The following TRHDE variants were observed in gnomAD, a reference collection of about 807,000 sequenced individuals.
TRHDE encodes thyrotropin releasing hormone degrading enzyme.
In TRHDE, 72 loss-of-function variants were observed where a neutral mutation model predicts 125.7. The observed-to-expected ratio is 0.57, with a 90% CI of 0.47 to 0.70. The LOEUF is 0.70. TRHDE is among the 30% of genes least tolerant of loss of function. The pLI is 0.00. For missense variants in TRHDE, 1,110 were observed against 1,327.1 expected (o/e 0.84, Z 2.54); for synonymous variants, 509 against 509.1 (o/e 1.00, Z 0.00).
At chr12:72,576,082 T>G (rs1870979934) in intron 12 of TRHDE, among the ~76,000 whole-genome samples, 3 of 152,154 alleles carry the variant, frequency 2.0e-5, no homozygotes, top group Admixed American at 2.0e-4. Context: ...ATTTATAATA[T>G]TCAAATTAGT....
chr12:72,604,854 C>T (rs933901847), intron 12 of TRHDE, among the ~76,000 whole-genome samples: 1 of 151,966 alleles, frequency 6.6e-6, no homozygotes, highest in African/African-American at 2.4e-5. Context: ...ATGAGTGTCA[C>T]TATTAGAACA....
At chr12:72,497,668 A>T (rs1234488968) in intron 5 of TRHDE, among the ~76,000 whole-genome samples, 1 of 152,156 alleles carries the variant, frequency 6.6e-6, no homozygotes. Context: ...AATATCAGAT[A>T]GTTTTCATCT....
At chr12:72,103,278 A>T (rs1191214334) in intron 1 of TRHDE, among the ~76,000 whole-genome samples, 2 of 152,214 alleles carry the variant, frequency 1.3e-5, no homozygotes, top group African/African-American at 2.4e-5. Context: ...TAGATCCGAT[A>T]TTTAGGACAT....
At position 72,415,046 on chromosome 12, in the gene TRHDE, G is replaced by A. The variant is rs893363406; in HGVS notation, c.1315+36925G>A. On this transcript the variant is annotated intron_variant, in intron 3 of 18. Coordinates refer to ENST00000261180, the MANE Select transcript of TRHDE (RefSeq NM_013381.3). ...TCTTTGACAGGGGCTCCTACTGTTC[G>A]TTGGTTCATGAATCCGTATTTTAGT... Among the ~76,000 whole-genome samples, 12 of 152,166 alleles carry A rather than the reference G, an allele frequency of 7.9e-5. 1 individual carries two copies. The highest frequency in any genetic ancestry group is 2.0e-4 in the Admixed American group (3 of 15,270).
intron 7 of TRHDE, among the ~76,000 whole-genome samples, chr12:72,548,698 T>C (rs758410139): frequency 1.1e-4 from 16 of 151,876 alleles, no homozygotes; most frequent in South Asian, 6.2e-4. Context: ...AAATTAAAGC[T>C]GTAATTATGA....
At chr12:72,171,161 T>G (rs1876864676) in intron 2 of TRHDE, among the ~76,000 whole-genome samples, 1 of 152,034 alleles carries the variant, frequency 6.6e-6, no homozygotes, top group African/African-American at 2.4e-5. Context: ...TTTCTCACCT[T>G]CACACCACCA....
At chr12:72,624,956 G>T (rs1420134978) in intron 15 of TRHDE, among the ~76,000 whole-genome samples, 1 of 151,548 alleles carries the variant, frequency 6.6e-6, no homozygotes, top group Non-Finnish European at 1.5e-5. Context: ...ACACAGAAAA[G>T]ATGATGGCCT....
At chr12:72,563,859 G>T (rs1870304553) in intron 9 of TRHDE, among the ~76,000 whole-genome samples, 1 of 152,092 alleles carries the variant, frequency 6.6e-6, no homozygotes, top group Non-Finnish European at 1.5e-5. Context: ...ATTGATAAAC[G>T]CAATGAGATG....
intron 2 of TRHDE, among the ~76,000 whole-genome samples, chr12:72,229,901 TG>T (rs1382312112): frequency 2.0e-5 from 3 of 152,164 alleles, no homozygotes; most frequent in Non-Finnish European, 4.4e-5. Context: ...GCTAATACCA[TG>T]TTACAGGTCA....
intron 15 of TRHDE, among the ~76,000 whole-genome samples, chr12:72,637,687 G>T (rs987347233): frequency 6.6e-6 from 1 of 152,164 alleles, no homozygotes; most frequent in Non-Finnish European, 1.5e-5. Flanking sequence ...GCGTCCCAGA[G>T]ATTCTGGTAT....
intron 5 of TRHDE, among the ~76,000 whole-genome samples, chr12:72,477,797 G>C (rs375311422): frequency 6.6e-6 from 1 of 152,222 alleles, no homozygotes; most frequent in Non-Finnish European, 1.5e-5. Flanking sequence ...ATCTGGTGCC[G>C]ATGCAGGTCA....
In TRHDE at chr12:72,181,236, T is replaced by C. The variant is rs146567078; in HGVS notation, n.279+75484T>C. Among the ~76,000 whole-genome samples the C allele has an allele frequency of 6.8e-4, 103 of 152,282 alleles. 1 individual carries two copies. In the East Asian group the frequency reaches 0.016, roughly 24 times the overall value. On this transcript the variant is annotated intron_variant and non_coding_transcript_variant, in intron 2 of 4. Coordinates refer to the TRHDE transcript ENST00000548156. ...TAGGAAGGGGTGAAGGAAAGAAATG[T>C]TGGGTCATCCTTGACTTTTAAAATG...
In TRHDE at chr12:72,278,974, T is replaced by C. The variant is rs1486364225; in HGVS notation, c.914+5417T>C. ...GCAATCCCGTTTGTCTATTTTTTGCTTTTGTTGCCTGTGCAGTTGCCTTTG... is the reference window on the plus strand; with the variant it reads ...GCAATCCCGTTTGTCTATTTTTTGCCTTTGTTGCCTGTGCAGTTGCCTTTG... On this transcript the variant is annotated intron_variant, in intron 1 of 18. Transcript: ENST00000261180. Among the ~76,000 whole-genome samples, 3 of 152,236 alleles carry C rather than the reference T, an allele frequency of 2.0e-5. No homozygotes were observed. The East Asian group carries it at 5.8e-4, about 29-fold the overall frequency.
At chr12:72,526,543 A>G (rs1868341743) in intron 6 of TRHDE, among the ~76,000 whole-genome samples, 1 of 152,160 alleles carries the variant, frequency 6.6e-6, no homozygotes, top group South Asian at 2.1e-4. Context: ...AAACATAAAT[A>G]TGCAAAGATA....
intron 2 of TRHDE, among the ~76,000 whole-genome samples, chr12:72,306,111 G>T (rs1477784078): frequency 6.6e-6 from 1 of 152,064 alleles, no homozygotes; most frequent in South Asian, 2.1e-4. Context: ...TTTTCTGCTG[G>T]TGGATATCAA....
chr12:72,233,461 C>T (rs934205000), intron 2 of TRHDE, among the ~76,000 whole-genome samples: 6 of 152,184 alleles, frequency 3.9e-5, no homozygotes, highest in East Asian at 3.9e-4. Context: ...CTGGGGCACA[C>T]AGGTGTTACA....
chr12:72,252,521 C>T (rs1055318996), intron 2 of TRHDE, among the ~76,000 whole-genome samples: 2 of 152,082 alleles, frequency 1.3e-5, no homozygotes, highest in Non-Finnish European at 2.9e-5. Context: ...TTGGCAAATA[C>T]CACACAGTCT....
intron 2 of TRHDE, among the ~76,000 whole-genome samples, chr12:72,106,662 A>G (rs1226326093): frequency 6.6e-6 from 1 of 152,150 alleles, no homozygotes; most frequent in East Asian, 1.9e-4. Context: ...TCTTACTGTG[A>G]TAGGCCAAAG....
At chr12:72,444,505 C>T (rs1467662518) in intron 3 of TRHDE, among the ~76,000 whole-genome samples, 3 of 151,454 alleles carry the variant, frequency 2.0e-5, no homozygotes, top group African/African-American at 7.3e-5. Flanking sequence ...TGATAGTTAC[C>T]CTTAAATATT....
Sources: gnomAD v4.1 joint callset for allele counts (sites outside exome capture counted in the v4.1 genomes callset) on GRCh38, gnomAD v4.1.1 for gene constraint, MANE v1.5 for transcripts, NCBI Gene and HGNC (gene_info 2026-07-23, HGNC 2026-07-21) for gene names.